GADL1: variants seen among roughly 807,000 people sequenced by gnomAD.
GADL1 encodes the protein GAD like acidic amino acid decarboxylase 1, also known as acidic amino acid decarboxylase GADL1.
A neutral mutation model predicts 69.5 loss-of-function variants in GADL1; 71 were observed. The observed-to-expected ratio is 1.02, with a 90% CI of 0.84 to 1.25. GADL1 has a LOEUF of 1.25. Among genes scored for constraint, GADL1 ranks in the 50% most tolerant of loss-of-function variants. The pLI, the probability that GADL1 is intolerant of heterozygous loss-of-function variation, is 0.00. For synonymous variants in GADL1, 254 were observed against 214.4 expected (o/e 1.18, Z -1.62); for missense variants, 737 against 631.8 (o/e 1.17, Z -1.79).
At chr3:30,842,822 T>TAAA (rs558126002) in intron 8 of GADL1, among the ~76,000 whole-genome samples, 11,316 of 102,698 alleles carry the variant, frequency 0.11, 884 homozygotes, top group Admixed American at 0.19. Context: ...TTGGAATGTT[T>TAAA]AAAAAAAAAA....
At chr3:30,830,146 T>C (rs1697763555) in intron 11 of GADL1, among the ~76,000 whole-genome samples, 1 of 151,792 alleles carries the variant, frequency 6.6e-6, no homozygotes, top group Admixed American at 6.6e-5. Flanking sequence ...TCATAAATAA[T>C]TATTTGACCT....
At chr3:30,791,473 A>T (rs1316336572) in intron 12 of GADL1, among the ~76,000 whole-genome samples, 1 of 152,204 alleles carries the variant, frequency 6.6e-6, no homozygotes, top group African/African-American at 2.4e-5. Flanking sequence ...GTACAAAAAA[A>T]TTGGTAAAAT....
At chr3:30,877,916 A>C (rs1334485295) in intron 1 of GADL1, among the ~76,000 whole-genome samples, 1 of 151,970 alleles carries the variant, frequency 6.6e-6, no homozygotes, top group East Asian at 1.9e-4. Flanking sequence ...TACAATATTT[A>C]ACATGAAGAA....
intron 14 of GADL1, among the ~76,000 whole-genome samples, chr3:30,770,919 C>G (rs1223176374): frequency 1.3e-5 from 2 of 152,174 alleles, no homozygotes; most frequent in East Asian, 3.8e-4. Flanking sequence ...ATCCACAAAA[C>G]ACATCTATGA....
chr3:30,863,328 C>A (rs1698349479), intron 1 of GADL1, among the ~76,000 whole-genome samples: 1 of 151,876 alleles, frequency 6.6e-6, no homozygotes. Flanking sequence ...GTATTAAATG[C>A]CTTTAAACTT....
intron 6 of GADL1, among the ~76,000 whole-genome samples, 175 bp downstream of exon 6, chr3:30,849,821 C>T (rs1008519559): frequency 3.9e-5 from 6 of 151,934 alleles, no homozygotes; most frequent in Non-Finnish European, 8.8e-5. Flanking sequence ...AAAATTGGAC[C>T]AGGCGTTACA....
chr3:30,832,921 C>CTGTT (rs59500161), intron 11 of GADL1, among the ~76,000 whole-genome samples: 54,820 of 151,658 alleles, frequency 0.36, 13,674 homozygotes, highest in African/African-American at 0.67. Flanking sequence ...GATGGACAGT[C>CTGTT]TGATCATGTC....
chr3:30,785,112 CT>C (rs1188175548), intron 13 of GADL1, among the ~76,000 whole-genome samples: 1 of 152,160 alleles, frequency 6.6e-6, no homozygotes, highest in Non-Finnish European at 1.5e-5. Flanking sequence ...GCATTCTACA[CT>C]TTTCCCCCCA....
Position 30,820,565 on chromosome 3 carries a change from T to C in GADL1, c.1050+13288A>G, listed in dbSNP as rs533623496. Among the ~76,000 whole-genome samples, 6 of 152,236 alleles carry C rather than the reference T, an allele frequency of 3.9e-5. No homozygotes were observed. The South Asian group carries it at 1.0e-3, about 26-fold the overall frequency. ...TACATCAGCCTTAGCAGTTAGAAGG[T>C]TTAAAAAATAAAATATAAAATGTAT... On this transcript the variant is annotated intron_variant, in intron 11 of 14. Coordinates refer to ENST00000282538, the MANE Select transcript of GADL1 (RefSeq NM_207359.3).
intron 14 of GADL1, among the ~76,000 whole-genome samples, chr3:30,758,558 G>GA (rs1315548371): frequency 1.3e-5 from 2 of 152,172 alleles, no homozygotes; most frequent in African/African-American, 4.8e-5. Context: ...CTCTAAATGA[G>GA]ATCATATATG....
chr3:30,753,315 C>T (rs931540338), intron 14 of GADL1, among the ~76,000 whole-genome samples: 28 of 152,222 alleles, frequency 1.8e-4, no homozygotes, highest in South Asian at 4.2e-4. Context: ...TTCAGAAATT[C>T]TTCCTCAAAA....
In GADL1 at chr3:30,839,046, T is replaced by A; in HGVS notation, c.854A>T (p.Asp285Val). 6.2e-7 allele frequency: 1 copy of A among 1,607,284 alleles called. No homozygotes were observed. The highest frequency in any genetic ancestry group is 1.1e-5 in the South Asian group (1 of 89,416). ...TTVLGAFDPL[D>V]EIADICERHS... ...CCTCTCGCAGATGTCTGCTATTTCA[T>A]CCAGAGGGTCAAAAGCTCCCAACAC... The change falls in exon 9 of 15, where the codon GAT (aspartate) becomes GTT (valine). Residue 285 changes from aspartate to valine, a missense_variant. Physicochemically the swap from Asp to Val is radical, Grantham distance 152 (BLOSUM62 -3). Transcript: ENST00000282538.
rs537820222 is a variant in GADL1 at position 30,770,348 on chromosome 3, C to T, written c.1392+7831G>A. Among the ~76,000 whole-genome samples the T allele has an allele frequency of 5.9e-5, 9 of 152,342 alleles. No individual in the cohort carries two copies. In the East Asian group the frequency reaches 7.7e-4, roughly 13 times the overall value. ...TACTTGGGAATTCAGAATTATTTCA[C>T]GTAGACCTTACACGAACAGACGCTA... is the stretch of plus-strand genomic sequence containing the variant. On this transcript the variant is annotated intron_variant, in intron 14 of 14. Transcript: ENST00000282538.
chr3:30,761,721 CAA>C, intron 14 of GADL1, among the ~76,000 whole-genome samples: 1 of 151,736 alleles, frequency 6.6e-6, no homozygotes, highest in South Asian at 2.1e-4. Flanking sequence ...GGGAAGTAGA[CAA>C]AGTAACATCA....
At chr3:30,735,434 C>T (rs996433367) in intron 14 of GADL1, among the ~76,000 whole-genome samples, 1 of 152,096 alleles carries the variant, frequency 6.6e-6, no homozygotes, top group African/African-American at 2.4e-5. Context: ...CTGTGGTATA[C>T]CTATACAATG....
rs530356888 is a variant in GADL1 at position 30,790,511 on chromosome 3, G to A, written c.1251-4105C>T. Reference sequence around the variant, plus strand: ...ACAAAACCCCCAAAACACAATATCTGGAAAATAAGGTTAAGCACATAAAAT... The same window carrying A: ...ACAAAACCCCCAAAACACAATATCTAGAAAATAAGGTTAAGCACATAAAAT... On this transcript the variant is annotated intron_variant, in intron 12 of 14. Coordinates refer to ENST00000282538, the MANE Select transcript of GADL1 (RefSeq NM_207359.3). Among the ~76,000 whole-genome samples the A allele has an allele frequency of 1.9e-4, 29 of 152,146 alleles. No homozygotes were observed. In the South Asian group the frequency reaches 5.8e-3, roughly 31 times the overall value.
rs1695402508 is a variant in GADL1 at position 30,728,424 on chromosome 3, G to T, written c.1393-9C>A. The stretch of plus-strand genomic sequence containing the variant: ...TTAATGGCTGGGGCCACCTGTGTGG[G>T]GAGAAAAGGGGAGAGGGGTGAAAGA... On this transcript the variant is annotated splice_polypyrimidine_tract_variant and intron_variant, in intron 14 of 14. Transcript: ENST00000282538. 1 of 1,610,762 alleles carries T rather than the reference G, an allele frequency of 6.2e-7. No homozygotes were observed. The highest frequency in any genetic ancestry group is 8.5e-7 in the Non-Finnish European group (1 of 1,177,568).
chr3:30,805,734 C>CTTTTTTTTTTTTTTTTTTTTTTTT lies in GADL1; in HGVS notation c.1051-4670_1051-4647dup, dbSNP rs34788058. ...ATTCTGTGCACCAGCAGTCCCCAGC[C>CTTTTTTTTTTTTTTTTTTTTTTTT]TTTTTTTTTTTTTTTTTTTTTTTTG... On this transcript the variant is annotated intron_variant, in intron 11 of 14. Coordinates refer to ENST00000282538, the MANE Select transcript of GADL1 (RefSeq NM_207359.3). Among the ~76,000 whole-genome samples, 15 of 66,090 alleles carry CTTTTTTTTTTTTTTTTTTTTTTTT rather than the reference C, an allele frequency of 2.3e-4. 1 individual carries two copies. Among genetic ancestry groups the CTTTTTTTTTTTTTTTTTTTTTTTT allele is most frequent in the South Asian group, 8.0e-4 (1 of 1,250 alleles). The allele number at this position is 66,090 out of a possible 152,430, so 43.4% of individuals were successfully genotyped here.
At chr3:30,758,080 T>C (rs1575188022) in intron 14 of GADL1, among the ~76,000 whole-genome samples, 1 of 152,228 alleles carries the variant, frequency 6.6e-6, no homozygotes, top group Non-Finnish European at 1.5e-5. Flanking sequence ...AAAAGCTTCA[T>C]AGCTTTCATA....
Sources: allele counts gnomAD v4.1 joint callset (sites outside exome capture counted in the v4.1 genomes callset), GRCh38; gene constraint gnomAD v4.1.1; transcripts MANE v1.5; gene names NCBI Gene and HGNC (gene_info 2026-07-23, HGNC 2026-07-21).